The following ST3GAL5 variants were observed in gnomAD, a reference collection of about 807,000 sequenced individuals.
ST3GAL5 encodes the protein ST3 beta-galactoside alpha-2,3-sialyltransferase 5, also known as lactosylceramide alpha-2,3-sialyltransferase.
ST3GAL5 carries 25 observed loss-of-function variants against 46.1 expected under a neutral mutation model. The ratio of observed to expected loss-of-function variants is 0.54; its 90% CI spans 0.40 to 0.76. The LOEUF is 0.76. Among genes scored for constraint, ST3GAL5 ranks in the 30% least tolerant of loss-of-function variants. ST3GAL5 has a pLI of 0.00. For synonymous variants in ST3GAL5, 182 were observed against 192.7 expected (o/e 0.94, Z 0.46); for missense variants, 431 against 521.2 (o/e 0.83, Z 1.69).
intron 3 of ST3GAL5, chr2:85,848,647 T>C (rs559252572): frequency 1.3e-4 from 41 of 305,758 alleles, no homozygotes; most frequent in South Asian, 1.2e-3. Flanking sequence ...ATATGAGGTA[T>C]CTAAAGTAGT....
At chr2:85,868,575 T>G (rs999305268) in intron 1 of ST3GAL5, among the ~76,000 whole-genome samples, 34 of 151,372 alleles carry the variant, frequency 2.2e-4, no homozygotes, top group Admixed American at 2.2e-3. Context: ...CCTCCCAAAG[T>G]GCTGGGATTA....
At chr2:85,885,024 T>C (rs1687590369) in intron 1 of ST3GAL5, among the ~76,000 whole-genome samples, 1 of 152,230 alleles carries the variant, frequency 6.6e-6, no homozygotes. Context: ...GGTACAGGAC[T>C]TGGTGAACCA....
At chr2:85,877,260 A>C (rs1686682265) in intron 1 of ST3GAL5, among the ~76,000 whole-genome samples, 2 of 152,254 alleles carry the variant, frequency 1.3e-5, no homozygotes, top group African/African-American at 4.8e-5. Context: ...TGATGGCCTT[A>C]GAACAAAAAT....
intron 3 of ST3GAL5, among the ~76,000 whole-genome samples, chr2:85,856,958 GTCTATAA>G (rs1684180115): frequency 6.8e-6 from 1 of 147,124 alleles, no homozygotes; most frequent in African/African-American, 2.5e-5. Context: ...GGTGGCTCAT[GTCTATAA>G]TCCCAGCACT....
chr2:85,878,573 G>A lies in ST3GAL5; in HGVS notation c.82+10251C>T, dbSNP rs1686826685. Among the ~76,000 whole-genome samples the A allele has an allele frequency of 3.3e-5, 5 of 152,136 alleles. No individual in the cohort carries two copies. In the South Asian group the frequency reaches 1.0e-3, roughly 32 times the overall value. On this transcript the variant is annotated intron_variant, in intron 1 of 6. Transcript: ENST00000638572. The stretch of plus-strand genomic sequence containing the variant: ...AGTATTGGGACAAAAGTCTCTTGTA[G>A]AACCTCAGTTGAGAAGGGCTGGTCT...
chr2:85,888,912 G>A lies in ST3GAL5; in HGVS notation c.-7C>T. The A allele has an allele frequency of 1.5e-6, 2 of 1,354,010 alleles. No homozygotes were observed. Among genetic ancestry groups the A allele is most frequent in the Non-Finnish European group, 1.9e-6 (2 of 1,046,358 alleles). The allele number at this position is 1,354,010 out of a possible 1,614,324, so 83.9% of individuals were successfully genotyped here. On this transcript the variant is annotated 5_prime_UTR_variant, in exon 1 of 7. Transcript: ENST00000638572. ...CCGCCGCCTTCGTCCGCATACTAAT[G>A]AGGGGGCGCCGGCCGGCCGCCAGCC...
At chr2:85,859,604 C>A (rs1684511669) in intron 3 of ST3GAL5, among the ~76,000 whole-genome samples, 1 of 152,186 alleles carries the variant, frequency 6.6e-6, no homozygotes, top group South Asian at 2.1e-4. Flanking sequence ...ACCAGCAAGA[C>A]CCTGAGACTC....
chr2:85,840,847 G>A (rs1681945226), intron 6 of ST3GAL5, among the ~76,000 whole-genome samples: 2 of 147,630 alleles, frequency 1.4e-5, no homozygotes, highest in Admixed American at 1.4e-4. Context: ...AGGAGGCTGA[G>A]GCAGGAGAAT....
chr2:85,880,328 G>A (rs1687010270), intron 1 of ST3GAL5, among the ~76,000 whole-genome samples: 1 of 152,124 alleles, frequency 6.6e-6, no homozygotes, highest in Non-Finnish European at 1.5e-5. Context: ...CATATATTCA[G>A]GTCTAACTAA....
Position 85,847,865 on chromosome 2 carries a change from T to C in ST3GAL5, c.658A>G (p.Ile220Val). Residue 220 changes from isoleucine to valine, a missense_variant, in exon 4 of 7, where the codon ATA becomes GTA. By Grantham distance (29) the Ile-to-Val change is conservative. Coordinates refer to ENST00000638572, the MANE Select transcript of ST3GAL5 (RefSeq NM_003896.4). ...AAACAAAAAAAACCAATGTACCTTA[T>C]CACAACATCGAACTGGTTCAGGGTG... The part of the protein sequence containing the change: ...GHTLNQFDVV[I>V]RLNSAPVEGY... The C allele has an allele frequency of 6.2e-7, 1 of 1,613,762 alleles. No homozygotes were observed.
At chr2:85,865,939 T>TG (rs1182330969) in intron 1 of ST3GAL5, 1 of 152,252 alleles carries the variant, frequency 6.6e-6, no homozygotes, top group African/African-American at 2.4e-5. Flanking sequence ...CCTGACTTGG[T>TG]GAAGCTTTGG....
chr2:85,844,573 C>CA lies in ST3GAL5; in HGVS notation c.850-20dup, dbSNP rs1682544282. The CA allele has an allele frequency of 6.2e-7, 1 of 1,613,902 alleles. No homozygotes were observed. The highest frequency in any genetic ancestry group is 2.2e-5 in the East Asian group (1 of 44,876). ...AGAATGGCTAAGGAAAGCAAGCAAGCAGTTGTTAGTCATCCTTCTAGGGGA... is the reference window on the plus strand; with the variant it reads ...AGAATGGCTAAGGAAAGCAAGCAAGCAAGTTGTTAGTCATCCTTCTAGGGGA... On this transcript the variant is annotated intron_variant, in intron 5 of 6. Transcript: ENST00000638572.
Position 85,846,471 on chromosome 2 carries a change from T to C in ST3GAL5, c.755A>G (p.Asp252Gly), listed in dbSNP as rs1457977655. 1.4e-5 allele frequency: 22 copies of C among 1,614,180 alleles called. No homozygotes were observed. The highest frequency in any genetic ancestry group is 2.7e-5 in the African/African-American group (2 of 75,052). ...MTYPEGAPLSDLEYYSNDLFV... is the reference protein window; with the variant it reads ...MTYPEGAPLSGLEYYSNDLFV... Reference sequence around the variant, plus strand: ...TAAGTCATTGGAATAATATTCAAGGTCAGACAGTGGTGCGCCCTCTGGATA... The same window carrying C: ...TAAGTCATTGGAATAATATTCAAGGCCAGACAGTGGTGCGCCCTCTGGATA... The change falls in exon 5 of 7, where the codon GAC becomes GGC. Residue 252 changes from aspartate (D) to glycine (G), a missense_variant. Coordinates refer to ENST00000638572, the MANE Select transcript of ST3GAL5 (RefSeq NM_003896.4).
intron 3 of ST3GAL5, among the ~76,000 whole-genome samples, chr2:85,857,549 A>T (rs1305131862): frequency 6.6e-6 from 1 of 151,432 alleles, no homozygotes; most frequent in Non-Finnish European, 1.5e-5. Context: ...AAAAAAAAAA[A>T]AAAAAGAGAA....
At chr2:85,882,694 G>A (rs1254569044) in intron 1 of ST3GAL5, among the ~76,000 whole-genome samples, 2 of 151,964 alleles carry the variant, frequency 1.3e-5, no homozygotes, top group Non-Finnish European at 2.9e-5. Flanking sequence ...TTAGCCGGAT[G>A]TGGTGGCACA....
At chr2:85,875,603 T>C (rs905919085) in intron 1 of ST3GAL5, 13 of 152,234 alleles carry the variant, frequency 8.5e-5, no homozygotes, top group African/African-American at 2.9e-4. Flanking sequence ...TTGATGCTAA[T>C]ATGTTATAGC....
At chr2:85,871,432 TTCAG>T (rs1179821081) in intron 1 of ST3GAL5, among the ~76,000 whole-genome samples, 1 of 152,334 alleles carries the variant, frequency 6.6e-6, no homozygotes, top group East Asian at 1.9e-4. Context: ...AATTTGGGCT[TTCAG>T]TCAATTTGTA....
intron 1 of ST3GAL5, among the ~76,000 whole-genome samples, chr2:85,878,935 C>T (rs115597253): frequency 0.044 from 6,738 of 152,048 alleles, 212 homozygotes; most frequent in East Asian, 0.11. Flanking sequence ...AGAGAGGAGG[C>T]GGCATTCCAG....
intron 6 of ST3GAL5, among the ~76,000 whole-genome samples, chr2:85,841,508 A>T (rs895588774): frequency 4.6e-4 from 70 of 151,568 alleles, no homozygotes; most frequent in African/African-American, 1.6e-3. Flanking sequence ...TACTTTTTGT[A>T]TTTTTTTGTA....
Sources: allele counts gnomAD v4.1 joint callset (sites outside exome capture counted in the v4.1 genomes callset), GRCh38; gene constraint gnomAD v4.1.1; transcripts MANE v1.5; gene names NCBI Gene and HGNC (gene_info 2026-07-23, HGNC 2026-07-21).